The following ALG5 variants were observed in gnomAD, a reference collection of about 807,000 sequenced individuals.
The protein encoded by ALG5 is dolichyl-phosphate beta-glucosyltransferase.
Under a neutral mutation model 51.8 loss-of-function variants are expected in ALG5, and 26 were observed. That is an observed-to-expected ratio of 0.50 (90% CI 0.37 to 0.70). The LOEUF is 0.70. Among genes scored for constraint, ALG5 ranks in the 30% least tolerant of loss-of-function variants. The pLI, the probability that ALG5 is intolerant of heterozygous loss-of-function variation, is 0.00. For synonymous variants in ALG5, 141 were observed against 136.1 expected, an observed-to-expected ratio of 1.04 and a Z score of -0.25; for missense variants, 311 against 399.3, an observed-to-expected ratio of 0.78 and a Z score of 1.88.
At chr13:36,997,199 G>A (rs1375200218) in intron 1 of ALG5, among the ~76,000 whole-genome samples, 5 of 152,128 alleles carry the variant, frequency 3.3e-5, no homozygotes, top group African/African-American at 7.2e-5. Context: ...AAGGCCGGGC[G>A]CGGTGGCTCA....
chr13:36,971,912 T>TAC (rs1386036187), intron 7 of ALG5, 65 bp downstream of exon 7: 1 of 1,269,596 alleles, frequency 7.9e-7, no homozygotes, highest in Non-Finnish European at 1.1e-6. Context: ...TTGCCAGATA[T>TAC]ATATATAAAA....
At position 36,995,410 on chromosome 13, in the gene ALG5, C is replaced by A; in HGVS notation, c.238+15G>T. 2 of 1,585,934 alleles carry A rather than the reference C, an allele frequency of 1.3e-6. No individual in the cohort carries two copies. Among genetic ancestry groups the A allele is most frequent in the South Asian group, 2.3e-5 (2 of 85,598 alleles). On this transcript the variant is annotated intron_variant, in intron 2 of 9. Transcript: ENST00000239891. ...CCAAACTACCCTTTACCAAAAAAAT[C>A]AAAACAGGGCTTACACCGTTTTTCT...
intron 6 of ALG5, among the ~76,000 whole-genome samples, chr13:36,973,427 C>G (rs755277589): frequency 4.5e-4 from 68 of 152,102 alleles, no homozygotes; most frequent in Non-Finnish European, 6.8e-4. Flanking sequence ...ATCGTGGTAG[C>G]CACTTGGAAA....
At chr13:36,989,865 A>G (rs2059018035) in intron 4 of ALG5, among the ~76,000 whole-genome samples, 1 of 152,078 alleles carries the variant, frequency 6.6e-6, no homozygotes, top group South Asian at 2.1e-4. Context: ...TAAAAAACAA[A>G]CAACAACAAC....
At chr13:36,988,314 A>G (rs986034680) in intron 5 of ALG5, among the ~76,000 whole-genome samples, 3 of 152,244 alleles carry the variant, frequency 2.0e-5, no homozygotes, top group Non-Finnish European at 4.4e-5. Context: ...TTGGCTGAAT[A>G]AAGAAACAAA....
At chr13:36,951,692 T>C (rs936736770) in intron 9 of ALG5, among the ~76,000 whole-genome samples, 6 of 152,260 alleles carry the variant, frequency 3.9e-5, no homozygotes, top group Non-Finnish European at 7.3e-5. Context: ...TTCAAGTTAT[T>C]ATAGAGTTGG....
chr13:36,990,427 T>C (rs1222857401), intron 4 of ALG5, among the ~76,000 whole-genome samples: 1 of 152,212 alleles, frequency 6.6e-6, no homozygotes, highest in Non-Finnish European at 1.5e-5. Context: ...TCCCAAGTTT[T>C]CACCAATAAC....
At chr13:36,984,537 T>C (rs1267878324) in intron 6 of ALG5, among the ~76,000 whole-genome samples, 1 of 152,198 alleles carries the variant, frequency 6.6e-6, no homozygotes, top group Non-Finnish European at 1.5e-5. Context: ...GATTACACTG[T>C]CTTAAATCTT....
intron 5 of ALG5, among the ~76,000 whole-genome samples, chr13:36,987,569 A>G (rs1196552470): frequency 1.3e-5 from 2 of 152,130 alleles, no homozygotes; most frequent in African/African-American, 2.4e-5. Flanking sequence ...TTCGCTTTCT[A>G]TCATGAGTGG....
chr13:36,989,792 G>C lies in ALG5; in HGVS notation c.355-216C>G, dbSNP rs982302542. On this transcript the variant is annotated intron_variant, in intron 4 of 9. Coordinates refer to ENST00000239891, the MANE Select transcript of ALG5 (RefSeq NM_013338.5). ...AAATCATAGTTCAGTTTCCTGCAGA[G>C]GAACCACCACAGTGGGCAATGACCT... Among the ~76,000 whole-genome samples, 64 of 152,092 alleles carry C rather than the reference G, an allele frequency of 4.2e-4. 1 individual carries two copies. Among genetic ancestry groups the C allele is most frequent in the Admixed American group, 2.6e-4 (4 of 15,268 alleles).
chr13:36,991,644 TG>T (rs36047227), intron 4 of ALG5, among the ~76,000 whole-genome samples: 56,452 of 152,076 alleles, frequency 0.37, 11,457 homozygotes, highest in Non-Finnish European at 0.46. Flanking sequence ...CAGGCTTTGG[TG>T]GTCATGTCAC....
chr13:36,992,219 GTATTATTAA>G (rs1232980011), intron 4 of ALG5, among the ~76,000 whole-genome samples: 1 of 150,232 alleles, frequency 6.7e-6, no homozygotes, highest in Non-Finnish European at 1.5e-5. Flanking sequence ...CATATTTCCA[GTATTATTAA>G]TAGATGTGAA....
intron 7 of ALG5, among the ~76,000 whole-genome samples, chr13:36,971,378 A>G (rs9532002): frequency 0.91 from 138,169 of 152,252 alleles, 62,867 homozygotes; most frequent in East Asian, 1. Flanking sequence ...TGGGCGCAGT[A>G]GCTCACACCT....
intron 6 of ALG5, among the ~76,000 whole-genome samples, chr13:36,976,435 A>C: frequency 6.7e-6 from 1 of 149,616 alleles, no homozygotes; most frequent in South Asian, 2.1e-4. Flanking sequence ...CAAAAAAAAA[A>C]AAAAAAAAAA....
chr13:36,965,847 A>C (rs1593664451), intron 7 of ALG5, 121 bp from the exon 8 acceptor site: 1 of 799,094 alleles, frequency 1.3e-6, no homozygotes, highest in Middle Eastern at 3.8e-4. Flanking sequence ...TTACATAAGA[A>C]CACCACTGTT....
chr13:36,979,922 A>G (rs920819515), intron 6 of ALG5, among the ~76,000 whole-genome samples: 1 of 152,010 alleles, frequency 6.6e-6, no homozygotes, highest in Non-Finnish European at 1.5e-5. Flanking sequence ...TGGTTTGCAC[A>G]TGCACTCTCA....
intron 3 of ALG5, among the ~76,000 whole-genome samples, chr13:36,994,242 A>C (rs1399904197): frequency 6.6e-6 from 1 of 152,214 alleles, no homozygotes; most frequent in East Asian, 1.9e-4. Flanking sequence ...GTTGGTAATA[A>C]GGTAATACAG....
chr13:36,967,772 T>C, intron 7 of ALG5: 1 of 1,203,472 alleles, frequency 8.3e-7, no homozygotes, highest in South Asian at 1.3e-5. Flanking sequence ...CAATAAATAC[T>C]GGTTGACTGA....
At chr13:36,986,058 C>T (rs1253023107) in intron 5 of ALG5, among the ~76,000 whole-genome samples, 1 of 152,104 alleles carries the variant, frequency 6.6e-6, no homozygotes. Flanking sequence ...CAGTACGTAT[C>T]ATACATATTA....
Sources: allele counts gnomAD v4.1 joint callset (sites outside exome capture counted in the v4.1 genomes callset), GRCh38; gene constraint gnomAD v4.1.1; transcripts MANE v1.5; gene names NCBI Gene and HGNC (gene_info 2026-07-23, HGNC 2026-07-21).